Variants in CDX2 observed in about 807,000 individuals in gnomAD.
CDX2 encodes the protein caudal type homeobox 2.
In CDX2, 7 loss-of-function variants were observed where a neutral mutation model predicts 25.5. That is an observed-to-expected ratio of 0.27 (90% CI 0.16 to 0.52). The LOEUF is 0.52. CDX2 is among the 20% of genes least tolerant of loss of function. The pLI, the probability that CDX2 is intolerant of heterozygous loss-of-function variation, is 0.97. For missense variants in CDX2, 375 were observed against 431.4 expected (o/e 0.87, Z 1.16); for synonymous variants, 222 against 198.6 (o/e 1.12, Z -0.99).
At position 27,968,619 on chromosome 13, in the gene CDX2, G is replaced by T. The variant is rs1379964377; in HGVS notation, c.388C>A (p.Pro130Thr). Residue 130 changes from proline (P) to threonine (T), a missense_variant, in exon 1 of 3, where the codon CCT becomes ACT. Pro to Thr is a conservative substitution (Grantham distance 38). This residue lies in a region of CDX2 where 253 missense variants were observed against 247.5 expected (regional missense o/e 1.02). Transcript: ENST00000381020. ...HHHPHHPAAAPSCASGLLQTL... is the reference protein window; with the variant it reads ...HHHPHHPAAATSCASGLLQTL... ...TGCAGCAGCCCAGAAGCGCAGGAAG[G>T]CGCGGCGGCCGGGTGGTGCGGGTGG... is the stretch of plus-strand genomic sequence containing the variant. The T allele has an allele frequency of 6.4e-7, 1 of 1,551,410 alleles. No homozygotes were observed. The highest frequency in any genetic ancestry group is 8.7e-7 in the Non-Finnish European group (1 of 1,155,696).
rs1316578556 is a variant in CDX2 at position 27,964,772 on chromosome 13, T to C, written c.687+98A>G. The C allele has an allele frequency of 1.4e-5, 13 of 935,552 alleles. No homozygotes were observed. The highest frequency in any genetic ancestry group is 2.1e-5 in the Non-Finnish European group (13 of 613,932). The allele number at this position is 935,552 out of a possible 1,614,324, so 58.0% of individuals were successfully genotyped here. A position where few individuals can be genotyped will look rare whatever the true frequency, so the allele number is the denominator to read the frequency against. On this transcript the variant is annotated intron_variant, in intron 2 of 2. Coordinates refer to ENST00000381020, the MANE Select transcript of CDX2 (RefSeq NM_001265.6). This position sits in a 1 kb window ranked among gnomAD's most constrained non-coding sequence, Gnocchi z 4.7. ...ATGCTTGCATCCTCCTGCTTCAGTC[T>C]CTCCACAGATTTAGATGGCCCCTGC...
chr13:27,967,248 G>A (rs1338300329), intron 1 of CDX2: 1 of 501,430 alleles, frequency 2.0e-6, no homozygotes, highest in Non-Finnish European at 3.9e-6. Context: ...CCAAAGCTCT[G>A]AGGCTCACCC....
Position 27,969,086 on chromosome 13 carries a change from A to G in CDX2, c.-80T>C. Reference sequence around the variant, plus strand: ...AGGCTGCCGGGGGGCACGAAGGGAAAGGGGCGAGGGGACTCGAGGAGCGGC... The same window carrying G: ...AGGCTGCCGGGGGGCACGAAGGGAAGGGGGCGAGGGGACTCGAGGAGCGGC... On this transcript the variant is annotated 5_prime_UTR_variant, in exon 1 of 3. Transcript: ENST00000381020. 1 of 1,095,820 alleles carries G rather than the reference A, an allele frequency of 9.1e-7. No individual in the cohort carries two copies. 67.9% of individuals were successfully genotyped at this position (1,095,820 alleles called of 1,614,324 possible).
rs1347850065 is a variant in CDX2, at chr13:27,961,492, T to A, written c.*1623A>T. Among the ~76,000 whole-genome samples the A allele has an allele frequency of 6.6e-6, 1 of 151,938 alleles. No individual in the cohort carries two copies. Among genetic ancestry groups the A allele is most frequent in the African/African-American group, 2.4e-5 (1 of 41,358 alleles). On this transcript the variant is annotated 3_prime_UTR_variant, in exon 3 of 3. Transcript: ENST00000381020. ...GTGGATCGGCCAGATAACAAGAAACTGTCACTAAAAGGATCATTTTATACT... is the reference window on the plus strand; with the variant it reads ...GTGGATCGGCCAGATAACAAGAAACAGTCACTAAAAGGATCATTTTATACT...
At chr13:27,966,194 T>A (rs1343727731) in intron 1 of CDX2, among the ~76,000 whole-genome samples, 1 of 152,214 alleles carries the variant, frequency 6.6e-6, no homozygotes, top group Admixed American at 6.5e-5. Flanking sequence ...CACATTCTGT[T>A]TGAATTACCA....
At chr13:27,966,868 C>G (rs1290767000) in intron 1 of CDX2, among the ~76,000 whole-genome samples, 2 of 151,960 alleles carry the variant, frequency 1.3e-5, no homozygotes, top group Non-Finnish European at 1.5e-5. Flanking sequence ...GTCCCCCCCT[C>G]CACCCCCACA....
chr13:27,963,445 C>A, intron 2 of CDX2, 76 bp from the exon 3 acceptor site: 1 of 1,193,644 alleles, frequency 8.4e-7, no homozygotes, highest in South Asian at 1.5e-5. Flanking sequence ...CCAGCAGTAT[C>A]ATCAACATCT....
chr13:27,968,928 C>T lies in CDX2; in HGVS notation c.79G>A (p.Ala27Thr). Residue 27 changes from alanine (A) to threonine (T), a missense_variant, in exon 1 of 3, where the codon GCG (alanine) becomes ACG (threonine). Ala to Thr is a moderately conservative substitution (Grantham distance 58, BLOSUM62 0). Coordinates refer to ENST00000381020, the MANE Select transcript of CDX2 (RefSeq NM_001265.6). ...GGGGGGCTGACGAAGTTCTGCGGCG[C>T]CAGGTTGAGGCCGCCAGAGTGGCGC... ...SVRHSGGLNL[A>T]PQNFVSPPQY... The T allele has an allele frequency of 6.2e-7, 1 of 1,608,884 alleles. No individual in the cohort carries two copies. Among genetic ancestry groups the T allele is most frequent in the Non-Finnish European group, 8.5e-7 (1 of 1,179,044 alleles).
chr13:27,968,625 C>T lies in CDX2; in HGVS notation c.382G>A (p.Ala128Thr). The T allele has an allele frequency of 1.3e-6, 2 of 1,544,464 alleles. No homozygotes were observed. Among genetic ancestry groups the T allele is most frequent in the Non-Finnish European group, 8.7e-7 (1 of 1,151,878 alleles). ...AGCCCAGAAGCGCAGGAAGGCGCGGCGGCCGGGTGGTGCGGGTGGTGATGC... is the reference window on the plus strand; with the variant it reads ...AGCCCAGAAGCGCAGGAAGGCGCGGTGGCCGGGTGGTGCGGGTGGTGATGC... ...HPHHHPHHPA[A>T]APSCASGLLQ... The change falls in exon 1 of 3, where the codon GCC (alanine) becomes ACC (threonine). Residue 128 changes from alanine (A) to threonine (T), a missense_variant. Physicochemically the swap from Ala to Thr is moderately conservative, Grantham distance 58. This residue lies in a region of CDX2 where 253 missense variants were observed against 247.5 expected (regional missense o/e 1.02). Transcript: ENST00000381020.
chr13:27,966,202 C>A (rs1048407631), intron 1 of CDX2, among the ~76,000 whole-genome samples: 1 of 152,254 alleles, frequency 6.6e-6, no homozygotes, highest in Non-Finnish European at 1.5e-5. Context: ...GTTTGAATTA[C>A]CACTACTGAG....
At chr13:27,966,695 G>T (rs561096533) in intron 1 of CDX2, among the ~76,000 whole-genome samples, 2 of 152,266 alleles carry the variant, frequency 1.3e-5, no homozygotes, top group East Asian at 3.9e-4. Flanking sequence ...CCTTGGAGGC[G>T]CCCCACACCC....
rs1374027119 is a variant in CDX2 at position 27,961,715 on chromosome 13, C to T, written c.*1400G>A. ...TTTTTTTTAAAAAAAATTTAATGCT[C>T]ACGTTTAACTAGCTGGGTTGTGGGG... On this transcript the variant is annotated 3_prime_UTR_variant, in exon 3 of 3. Coordinates refer to ENST00000381020, the MANE Select transcript of CDX2 (RefSeq NM_001265.6). Among the ~76,000 whole-genome samples, 1 of 151,932 alleles carries T rather than the reference C, an allele frequency of 6.6e-6. No individual in the cohort carries two copies.
intron 1 of CDX2, among the ~76,000 whole-genome samples, chr13:27,966,851 A>G (rs1869352419): frequency 6.6e-6 from 1 of 152,128 alleles, no homozygotes; most frequent in South Asian, 2.1e-4. Flanking sequence ...AAAGCAAGCC[A>G]GGCCGCGTCC....
In CDX2 at chr13:27,962,926, G is replaced by A. The variant is rs1382994412; in HGVS notation, c.*189C>T. 8.0e-6 allele frequency: 5 copies of A among 625,552 alleles called. No homozygotes were observed. Among genetic ancestry groups the A allele is most frequent in the African/African-American group, 7.3e-5 (4 of 55,054 alleles). The allele number at this position is 625,552 out of a possible 1,614,324, so 38.8% of individuals were successfully genotyped here. Reference sequence around the variant, plus strand: ...CAGATGGGAAAAAGTAAAAATCTGGGAGAGTATATTTCTTGAGGCCCCAAA... The same window carrying A: ...CAGATGGGAAAAAGTAAAAATCTGGAAGAGTATATTTCTTGAGGCCCCAAA... On this transcript the variant is annotated 3_prime_UTR_variant, in exon 3 of 3. Coordinates refer to ENST00000381020, the MANE Select transcript of CDX2 (RefSeq NM_001265.6).
intron 1 of CDX2, 132 bp downstream of exon 1, chr13:27,968,334 T>C (rs746208528): frequency 5.3e-6 from 6 of 1,140,730 alleles, no homozygotes; most frequent in Non-Finnish European, 5.7e-6. Context: ...CTCCGGGCCG[T>C]GCCCCTCCTG....
In CDX2 at chr13:27,963,143, C is replaced by G. The variant is rs201546906; in HGVS notation, c.914G>C (p.Gly305Ala). The change falls in exon 3 of 3, where the codon GGG (glycine) becomes GCG (alanine). Residue 305 changes from glycine (G) to alanine (A), a missense_variant. This residue lies in a region of CDX2 where 58 missense variants were observed against 59.4 expected (regional missense o/e 0.98). Transcript: ENST00000381020. ...SVPGVLGPTG[G>A]VLNPTVTQ ...CTGGGTGACGGTGGGGTTTAGCACC[C>G]CCCCAGTTGGCCCCAGAACCCCAGG... 1.3e-5 allele frequency: 21 copies of G among 1,613,986 alleles called. No homozygotes were observed. Among genetic ancestry groups the G allele is most frequent in the Non-Finnish European group, 1.7e-5 (20 of 1,179,936 alleles).
Position 27,968,737 on chromosome 13 carries a change from G to T in CDX2, c.270C>A (p.Asn90Lys), listed in dbSNP as rs1368580705. 1.1e-5 allele frequency: 17 copies of T among 1,510,676 alleles called. No individual in the cohort carries two copies. Among genetic ancestry groups the T allele is most frequent in the Non-Finnish European group, 1.5e-5 (17 of 1,136,612 alleles). The allele number at this position is 1,510,676 out of a possible 1,614,324, so 93.6% of individuals were successfully genotyped here. A position where few individuals can be genotyped will look rare whatever the true frequency, so the allele number is the denominator to read the frequency against. Residue 90 changes from asparagine (N) to lysine (K), a missense_variant, in exon 1 of 3, where the codon AAC becomes AAA. Around this residue, in one of 3 missense-constraint regions of CDX2, gnomAD observed 253 missense variants for 247.5 expected, o/e 1.02. Coordinates refer to ENST00000381020, the MANE Select transcript of CDX2 (RefSeq NM_001265.6). Reference protein sequence around the residue: ...YAPGGAAAAANAVAHGLNGGS... With the variant: ...YAPGGAAAAAKAVAHGLNGGS... ...CACCGTTGAGGCCGTGAGCCACGGC[G>T]TTGGCGGCGGCCGCGGCGCCTCCGG...
rs1344062119 is a variant in CDX2, at chr13:27,964,420, C to T, written c.687+450G>A. Among the ~76,000 whole-genome samples the T allele has an allele frequency of 6.6e-6, 1 of 150,450 alleles. No homozygotes were observed. Among genetic ancestry groups the T allele is most frequent in the Non-Finnish European group, 1.5e-5 (1 of 67,720 alleles). ...GTTTCGACGGTGGCGGGTGGGGGGGCATGTACTCCAGGCCAGGCATGGTGG... is the reference window on the plus strand; with the variant it reads ...GTTTCGACGGTGGCGGGTGGGGGGGTATGTACTCCAGGCCAGGCATGGTGG... On this transcript the variant is annotated intron_variant, in intron 2 of 2. Transcript: ENST00000381020. This position sits in a 1 kb window ranked among gnomAD's most constrained non-coding sequence, Gnocchi z 4.7.
intron 2 of CDX2, among the ~76,000 whole-genome samples, chr13:27,963,770 A>G (rs1214438092): frequency 1.3e-5 from 2 of 152,102 alleles, no homozygotes; most frequent in Non-Finnish European, 2.9e-5. Flanking sequence ...AATTTTCCTC[A>G]CCTTAGAGCT....
Sources: allele counts gnomAD v4.1 joint callset (sites outside exome capture counted in the v4.1 genomes callset), GRCh38; gene constraint gnomAD v4.1.1; regional missense constraint gnomAD v4.1.1; non-coding constraint Gnocchi (gnomAD v3.1); transcripts MANE v1.5; gene names NCBI Gene and HGNC (gene_info 2026-07-23, HGNC 2026-07-21).